UGGT1: variants seen among roughly 807,000 people sequenced by gnomAD.
The protein encoded by UGGT1 is UDP-glucose:glycoprotein glucosyltransferase 1.
UGGT1 carries 107 observed loss-of-function variants against 203.9 expected under a neutral mutation model. That is an observed-to-expected ratio of 0.52 (90% CI 0.45 to 0.62). The LOEUF is 0.62. Ranked by LOEUF, UGGT1 falls within the 20% of genes least tolerant of loss-of-function variation. The probability of loss-of-function intolerance (pLI) is 0.00; values close to 1 mark genes in which losing one functional copy is unlikely to be tolerated. For synonymous variants in UGGT1, 628 were observed against 653.5 expected (o/e 0.96, Z 0.59); for missense variants, 1,673 against 1,867.2 (o/e 0.90, Z 1.92).
intron 16 of UGGT1, among the ~76,000 whole-genome samples, chr2:128,140,677 T>G (rs1689376346): frequency 6.6e-6 from 1 of 152,250 alleles, no homozygotes; most frequent in Middle Eastern, 3.4e-3. Flanking sequence ...TTATTTTATT[T>G]TATTAAAAAA....
chr2:128,121,402 A>ATAC, intron 10 of UGGT1, 104 bp downstream of exon 10: 2 of 472,790 alleles, frequency 4.2e-6, no homozygotes, highest in Non-Finnish European at 6.4e-6. Context: ...GAAAATTAAG[A>ATAC]TTCTTTTTTT....
At chr2:128,132,783 T>C (rs1006167666) in intron 13 of UGGT1, among the ~76,000 whole-genome samples, 3 of 152,150 alleles carry the variant, frequency 2.0e-5, no homozygotes, top group Non-Finnish European at 2.9e-5. Context: ...CAATCATGGC[T>C]CATTGCAGCC....
chr2:128,141,174 A>G (rs988416122), intron 16 of UGGT1, among the ~76,000 whole-genome samples: 1 of 151,856 alleles, frequency 6.6e-6, no homozygotes, highest in African/African-American at 2.4e-5. Context: ...AAATACAAAA[A>G]TTGGCCATGT....
chr2:128,093,829 C>T (rs766842342), intron 1 of UGGT1, among the ~76,000 whole-genome samples: 1 of 152,184 alleles, frequency 6.6e-6, no homozygotes, highest in Non-Finnish European at 1.5e-5. Flanking sequence ...GAGATGCATG[C>T]AGCATATTCA....
rs1692002811 is a variant in UGGT1, at chr2:128,186,791, A to G, written c.4468A>G (p.Ile1490Val). 6.2e-7 allele frequency: 1 copy of G among 1,612,414 alleles called. No individual in the cohort carries two copies. Among genetic ancestry groups the G allele is most frequent in the Non-Finnish European group, 8.5e-7 (1 of 1,179,012 alleles). Reference protein sequence around the residue: ...DDASKKRAKTIDLCNNPMTKE... With the variant: ...DDASKKRAKTVDLCNNPMTKE... ...CGCCTCTAAGAAAAGGGCAAAAACC[A>G]TTGATTTGGTAAGCCGTATGTGGTG... The change falls in exon 39 of 41, where the codon ATT becomes GTT. Residue 1490 changes from isoleucine to valine, a missense_variant. Ile to Val is a conservative substitution (Grantham distance 29). Coordinates refer to ENST00000259253, the MANE Select transcript of UGGT1 (RefSeq NM_020120.4).
chr2:128,185,631 G>T lies in UGGT1; in HGVS notation c.4360-1052G>T, dbSNP rs146499087. ...TGGGACGACAGGCTCACACCACCAG[G>T]CCCAGCTAATTTTTTGTATTTTTTA... On this transcript the variant is annotated intron_variant, in intron 38 of 40. Transcript: ENST00000259253. 3.3e-5 allele frequency among the ~76,000 whole-genome samples: 5 copies of T among 151,982 alleles called. No individual in the cohort carries two copies. In the East Asian group the frequency reaches 9.7e-4, roughly 29 times the overall value.
chr2:128,157,262 T>C lies in UGGT1; in HGVS notation c.2271T>C (p.Phe757=), dbSNP rs1369271970. ...MSSKEIYDDS[F]IRPVTFWIVG... Reference sequence around the variant, plus strand: ...TTTGTTTTTCTACAGATGATTCTTTTATTAGGCCAGTAACTTTTTGGATTG... The same window carrying C: ...TTTGTTTTTCTACAGATGATTCTTTCATTAGGCCAGTAACTTTTTGGATTG... The change falls in exon 22 of 41, where the codon TTT becomes TTC. Residue 757 remains phenylalanine, a synonymous_variant. Transcript: ENST00000259253. The C allele has an allele frequency of 6.2e-7, 1 of 1,614,004 alleles. No individual in the cohort carries two copies. Among genetic ancestry groups the C allele is most frequent in the Admixed American group, 1.7e-5 (1 of 60,030 alleles).
Position 128,123,074 on chromosome 2 carries a change from A to G in UGGT1, c.1074-112A>G, listed in dbSNP as rs1002148923. The G allele has an allele frequency of 2.5e-5, 18 of 721,412 alleles. No homozygotes were observed. The South Asian group carries it at 3.2e-4, about 13-fold the overall frequency. The allele number at this position is 721,412 out of a possible 1,614,324, so 44.7% of individuals were successfully genotyped here. A position where few individuals can be genotyped will look rare whatever the true frequency, so the allele number is the denominator to read the frequency against. On this transcript the variant is annotated intron_variant, in intron 10 of 40. Coordinates refer to ENST00000259253, the MANE Select transcript of UGGT1 (RefSeq NM_020120.4). ...ATTATAAAAATTTAAGGTTTTTCCC[A>G]TTCAGTTTTTTCTAATTTATTGAAT...
chr2:128,146,034 A>G, intron 18 of UGGT1, 67 bp downstream of exon 18: 6 of 1,566,604 alleles, frequency 3.8e-6, no homozygotes, highest in Non-Finnish European at 5.2e-6. Context: ...TTGCCTCTAT[A>G]GTAGGCAGTA....
At chr2:128,135,028 C>A in intron 15 of UGGT1, 67 bp downstream of exon 15, 2 of 1,350,014 alleles carry the variant, frequency 1.5e-6, no homozygotes, top group Non-Finnish European at 2.1e-6. Context: ...TTTTTAAATG[C>A]AAGTCTGGTG....
intron 7 of UGGT1, 51 bp from the exon 8 acceptor site, chr2:128,116,210 TTTTG>T: frequency 8.2e-7 from 1 of 1,225,222 alleles, no homozygotes; most frequent in Non-Finnish European, 1.2e-6. Flanking sequence ...CTAGTAACGT[TTTTG>T]TTTCAAATCT....
At chr2:128,096,030 G>C (rs1361389559) in intron 1 of UGGT1, among the ~76,000 whole-genome samples, 1 of 152,112 alleles carries the variant, frequency 6.6e-6, no homozygotes, top group East Asian at 1.9e-4. Flanking sequence ...GGTCCGATTA[G>C]GGTTCTGTTA....
At chr2:128,114,129 T>G (rs1687988775) in intron 6 of UGGT1, among the ~76,000 whole-genome samples, 1 of 152,146 alleles carries the variant, frequency 6.6e-6, no homozygotes, top group Non-Finnish European at 1.5e-5. Flanking sequence ...TTGATTTATT[T>G]ATTTTTGAGA....
At chr2:128,099,165 A>G (rs1286896370) in intron 2 of UGGT1, among the ~76,000 whole-genome samples, 1 of 152,082 alleles carries the variant, frequency 6.6e-6, no homozygotes, top group Non-Finnish European at 1.5e-5. Flanking sequence ...AGTTTTTGAG[A>G]CAAGGCCTGT....
intron 1 of UGGT1, among the ~76,000 whole-genome samples, chr2:128,094,526 T>G (rs1274625991): frequency 6.6e-6 from 1 of 152,194 alleles, no homozygotes; most frequent in African/African-American, 2.4e-5. Flanking sequence ...TTTGATAGTC[T>G]TCGAGACTAA....
chr2:128,111,911 G>T (rs2105365526), intron 5 of UGGT1, among the ~76,000 whole-genome samples: 1 of 152,062 alleles, frequency 6.6e-6, no homozygotes, highest in East Asian at 2.0e-4. Context: ...AGGCTGAGGT[G>T]GGTGGATCGC....
At position 128,189,837 on chromosome 2, in the gene UGGT1, C is replaced by T; in HGVS notation, c.*95C>T. 1.4e-6 allele frequency: 2 copies of T among 1,443,980 alleles called. No homozygotes were observed. The highest frequency in any genetic ancestry group is 1.9e-6 in the Non-Finnish European group (2 of 1,045,704). The allele number at this position is 1,443,980 out of a possible 1,614,324, so 89.4% of individuals were successfully genotyped here. On this transcript the variant is annotated 3_prime_UTR_variant, in exon 41 of 41. Transcript: ENST00000259253. ...ATCTGTCTATACAACTGCTGATAAGCCGGCTGGGCAGGAGTGCCACACCTT... is the reference window on the plus strand; with the variant it reads ...ATCTGTCTATACAACTGCTGATAAGTCGGCTGGGCAGGAGTGCCACACCTT...
chr2:128,154,787 G>A lies in UGGT1; in HGVS notation c.2138-702G>A, dbSNP rs73955954. On this transcript the variant is annotated intron_variant, in intron 19 of 40. Coordinates refer to ENST00000259253, the MANE Select transcript of UGGT1 (RefSeq NM_020120.4). Reference sequence around the variant, plus strand: ...AGCTGTGTCTGACAGACTGTGATGAGAAGACTGACATTTGTATAGGGTGCA... The same window carrying A: ...AGCTGTGTCTGACAGACTGTGATGAAAAGACTGACATTTGTATAGGGTGCA... Among the ~76,000 whole-genome samples the A allele has an allele frequency of 9.5e-3, 1,442 of 152,288 alleles. 21 individuals are homozygous for A. The highest frequency in any genetic ancestry group is 0.032 in the African/African-American group (1,317 of 41,554).
At chr2:128,105,405 T>C (rs1329699775) in intron 3 of UGGT1, among the ~76,000 whole-genome samples, 5 of 151,810 alleles carry the variant, frequency 3.3e-5, no homozygotes, top group Non-Finnish European at 5.9e-5. Flanking sequence ...CTCAGACTCC[T>C]AGGGCTCAAG....
Sources: gnomAD v4.1 joint callset for allele counts (sites outside exome capture counted in the v4.1 genomes callset) on GRCh38, gnomAD v4.1.1 for gene constraint, MANE v1.5 for transcripts, NCBI Gene and HGNC (gene_info 2026-07-23, HGNC 2026-07-21) for gene names.